The following CFAP44 variants were observed in gnomAD, a reference collection of about 807,000 sequenced individuals.
The protein encoded by CFAP44 is cilia and flagella associated protein 44, also known as cilia- and flagella-associated protein 44.
In CFAP44, 134 loss-of-function variants were observed where a neutral mutation model predicts 216.2. That is an observed-to-expected ratio of 0.62 (90% confidence interval 0.54 to 0.72). The LOEUF (loss-of-function observed/expected upper bound fraction) is 0.72. Ranked by LOEUF, CFAP44 falls within the 30% of genes least tolerant of loss-of-function variation. The pLI is 0.00. For missense variants in CFAP44, 2,035 were observed against 2,182.1 expected (o/e 0.93, Z 1.34); for synonymous variants, 700 against 727.6 (o/e 0.96, Z 0.61).
intron 32 of CFAP44, among the ~76,000 whole-genome samples, chr3:113,298,452 C>T (rs1426077191): frequency 6.6e-6 from 1 of 152,186 alleles, no homozygotes; most frequent in East Asian, 1.9e-4. Flanking sequence ...CACTTCTAAG[C>T]CATATGGTCC....
At chr3:113,306,965 CAA>C (rs1442652253) in intron 29 of CFAP44, among the ~76,000 whole-genome samples, 1 of 152,114 alleles carries the variant, frequency 6.6e-6, no homozygotes, top group Non-Finnish European at 1.5e-5. Context: ...AAAAGTAAAA[CAA>C]GATAAAAACT....
At chr3:113,430,175 C>A (rs1935067021) in intron 2 of CFAP44, among the ~76,000 whole-genome samples, 1 of 150,674 alleles carries the variant, frequency 6.6e-6, no homozygotes, top group Admixed American at 6.6e-5. Flanking sequence ...GATAAGATAC[C>A]TTGAAAAAAA....
At position 113,326,159 on chromosome 3, in the gene CFAP44, A is replaced by C. The variant is rs537545009; in HGVS notation, c.4516+286T>G. 8.3e-4 allele frequency among the ~76,000 whole-genome samples: 127 copies of C among 152,362 alleles called. 1 individual carries two copies. Among genetic ancestry groups the C allele is most frequent in the African/African-American group, 3.0e-3 (126 of 41,590 alleles). On this transcript the variant is annotated intron_variant, in intron 28 of 34. Transcript: ENST00000393845. ...CACCAAATAAGATATACATATGGCA[A>C]ATAAACACATAAAAAGATGTGCTTA... is the stretch of plus-strand genomic sequence containing the variant.
At chr3:113,427,944 T>C (rs1264630786) in intron 2 of CFAP44, among the ~76,000 whole-genome samples, 1 of 152,090 alleles carries the variant, frequency 6.6e-6, no homozygotes, top group Non-Finnish European at 1.5e-5. Context: ...AAATGGCAAA[T>C]GTACTACTAG....
chr3:113,432,033 T>G lies in CFAP44; in HGVS notation c.100+1532A>C, dbSNP rs866737465. On this transcript the variant is annotated intron_variant, in intron 2 of 34. Transcript: ENST00000393845. ...TAATTGTTTTAATGGGTGAGAAAAT[T>G]GAGGCTCAGAAAGATGTGGTAATGT... 7 of 152,276 alleles carry G rather than the reference T, an allele frequency of 4.6e-5. 1 individual carries two copies. The highest frequency in any genetic ancestry group is 3.4e-3 in the Middle Eastern group (1 of 294). The allele number at this position is 152,276 out of a possible 1,614,324, so 9.4% of individuals were successfully genotyped here. A position where few individuals can be genotyped will look rare whatever the true frequency, so the allele number is the denominator to read the frequency against.
At chr3:113,317,691 C>A (rs1279469441) in intron 28 of CFAP44, among the ~76,000 whole-genome samples, 1 of 152,202 alleles carries the variant, frequency 6.6e-6, no homozygotes, top group Non-Finnish European at 1.5e-5. Flanking sequence ...AGCACTTGAG[C>A]TGGGGAGGAG....
At chr3:113,310,557 C>A (rs1343551277) in intron 28 of CFAP44, among the ~76,000 whole-genome samples, 2 of 152,204 alleles carry the variant, frequency 1.3e-5, no homozygotes, top group Non-Finnish European at 2.9e-5. Flanking sequence ...TCTCATAATA[C>A]AACATGAAAG....
At chr3:113,393,597 T>C (rs1159536389) in intron 15 of CFAP44, among the ~76,000 whole-genome samples, 1 of 152,146 alleles carries the variant, frequency 6.6e-6, no homozygotes, top group Non-Finnish European at 1.5e-5. Context: ...TGGCACGATC[T>C]TGGCACACTG....
intron 15 of CFAP44, among the ~76,000 whole-genome samples, 188 bp downstream of exon 15, chr3:113,395,562 G>C (rs190553643): frequency 7.2e-5 from 11 of 152,292 alleles, no homozygotes; most frequent in Non-Finnish European, 1.6e-4. Context: ...AGAGAGCAAG[G>C]CTCCTGAGTG....
chr3:113,410,777 A>G (rs1934444353), intron 6 of CFAP44, among the ~76,000 whole-genome samples: 1 of 152,174 alleles, frequency 6.6e-6, no homozygotes, highest in Admixed American at 6.5e-5. Flanking sequence ...GTGTAAAAGC[A>G]TTCCTATTTC....
intron 4 of CFAP44, among the ~76,000 whole-genome samples, chr3:113,424,910 C>T (rs1018767626): frequency 6.6e-6 from 1 of 152,208 alleles, no homozygotes; most frequent in African/African-American, 2.4e-5. Flanking sequence ...CAAACCAACT[C>T]GGAGTTTCTT....
intron 23 of CFAP44, 59 bp downstream of exon 23, chr3:113,344,457 C>A (rs767340224): frequency 4.2e-6 from 6 of 1,428,736 alleles, no homozygotes; most frequent in Non-Finnish European, 5.7e-6. Flanking sequence ...TGTCCACAGA[C>A]AATTCACTTT....
intron 28 of CFAP44, 32 bp from the exon 29 acceptor site, chr3:113,308,300 A>G: frequency 6.8e-7 from 1 of 1,464,434 alleles, no homozygotes; most frequent in South Asian, 1.3e-5. Flanking sequence ...GTTAACAAAG[A>G]AGCTTCTATA....
intron 34 of CFAP44, 73 bp downstream of exon 34, chr3:113,294,614 A>G (rs1949863214): frequency 1.4e-6 from 2 of 1,451,174 alleles, no homozygotes; most frequent in East Asian, 5.1e-5. Context: ...CCAGTACTTA[A>G]CATTCTTGTG....
intron 17 of CFAP44, among the ~76,000 whole-genome samples, chr3:113,375,513 C>T (rs1933315907): frequency 6.6e-6 from 1 of 152,216 alleles, no homozygotes; most frequent in Admixed American, 6.5e-5. Flanking sequence ...GGATGTAATA[C>T]ACATAAAGTT....
At chr3:113,312,926 C>T (rs1950053787) in intron 28 of CFAP44, among the ~76,000 whole-genome samples, 1 of 152,116 alleles carries the variant, frequency 6.6e-6, no homozygotes, top group Admixed American at 6.5e-5. Context: ...AGGGGTGGGG[C>T]ACTCATGGAG....
At position 113,344,603 on chromosome 3, in the gene CFAP44, G is replaced by C. The variant is rs1262272674; in HGVS notation, c.3175C>G (p.Arg1059Gly). Residue 1059 changes from arginine (R) to glycine (G), a missense_variant, in exon 23 of 35, where the codon CGA becomes GGA. This residue lies in a region of CFAP44 where 1,883 missense variants were observed against 2,023.7 expected (regional missense o/e 0.93). Transcript: ENST00000393845. ...GGTTTTCTCTCTGATTGACTAGCTC[G>C]TTTGAATTTGGAGTACTTAGAGGGC... ...VQPSKYSKFK[R>G]ASQSERKPSK... is the part of the protein sequence containing the mutation. The C allele has an allele frequency of 2.0e-6, 3 of 1,536,952 alleles. No individual in the cohort carries two copies. Among genetic ancestry groups the C allele is most frequent in the South Asian group, 2.4e-5 (2 of 84,022 alleles).
At chr3:113,303,474 G>A (rs1217378376) in intron 32 of CFAP44, among the ~76,000 whole-genome samples, 1 of 152,092 alleles carries the variant, frequency 6.6e-6, no homozygotes, top group East Asian at 1.9e-4. Context: ...ATATCATTTT[G>A]CACAGTTAAA....
intron 28 of CFAP44, among the ~76,000 whole-genome samples, chr3:113,320,563 G>GTATATATAATGAAGTTATATATATC: frequency 7.0e-6 from 1 of 143,844 alleles, no homozygotes; most frequent in South Asian, 2.2e-4. Context: ...TTATATATAT[G>GTATATATAATGAAGTTATATATATC]TATATATAAT....
Sources: allele counts gnomAD v4.1 joint callset (sites outside exome capture counted in the v4.1 genomes callset), GRCh38; gene constraint gnomAD v4.1.1; regional missense constraint gnomAD v4.1.1; transcripts MANE v1.5; gene names NCBI Gene and HGNC (gene_info 2026-07-23, HGNC 2026-07-21).